RABGEF1: variants seen among roughly 807,000 people sequenced by gnomAD.
The protein encoded by RABGEF1 is RAB guanine nucleotide exchange factor 1, also known as rab5 GDP/GTP exchange factor.
Under a neutral mutation model 57.3 loss-of-function variants are expected in RABGEF1, and 26 were observed. The observed-to-expected ratio is 0.45, with a 90% CI of 0.33 to 0.63. The LOEUF is 0.63. RABGEF1 is among the 20% of genes least tolerant of loss of function. The probability of loss-of-function intolerance (pLI) is 0.02; values close to 1 mark genes in which losing one functional copy is unlikely to be tolerated. For synonymous variants in RABGEF1, 185 were observed against 210.7 expected (o/e 0.88, Z 1.06); for missense variants, 464 against 607.6 (o/e 0.76, Z 2.48).
chr7:66,745,834 CCTATA>C (rs1361592422), intron 1 of RABGEF1, among the ~76,000 whole-genome samples: 2 of 151,318 alleles, frequency 1.3e-5, no homozygotes, highest in African/African-American at 4.9e-5. Flanking sequence ...GTGGCTCATG[CCTATA>C]ATACCAGTGC....
At chr7:66,748,183 TA>T (rs1231005690) in intron 1 of RABGEF1, among the ~76,000 whole-genome samples, 1 of 152,250 alleles carries the variant, frequency 6.6e-6, no homozygotes, top group Non-Finnish European at 1.5e-5. Context: ...TGTGTGTTAG[TA>T]AAACTCCTTA....
At chr7:66,695,773 C>G (rs182239056) in intron 1 of RABGEF1, among the ~76,000 whole-genome samples, 1 of 152,052 alleles carries the variant, frequency 6.6e-6, no homozygotes, top group African/African-American at 2.4e-5. Flanking sequence ...TGAGACCAGC[C>G]TGGGCAACAT....
At chr7:66,693,581 C>G (rs1197861589) in intron 1 of RABGEF1, among the ~76,000 whole-genome samples, 1 of 152,138 alleles carries the variant, frequency 6.6e-6, no homozygotes, top group Non-Finnish European at 1.5e-5. Flanking sequence ...CCACCCTGCC[C>G]TCTCCCATGG....
At chr7:66,707,687 C>G (rs373703029) in intron 1 of RABGEF1, among the ~76,000 whole-genome samples, 1 of 152,128 alleles carries the variant, frequency 6.6e-6, no homozygotes, top group Non-Finnish European at 1.5e-5. Flanking sequence ...GACTCCATCT[C>G]AACAACAACA....
chr7:66,780,290 C>T (rs1200831409), intron 3 of RABGEF1, among the ~76,000 whole-genome samples: 1 of 152,210 alleles, frequency 6.6e-6, no homozygotes, highest in Non-Finnish European at 1.5e-5. Flanking sequence ...TTTAAGCGCA[C>T]AGACCTGGGT....
chr7:66,745,718 G>A (rs1297448507), intron 1 of RABGEF1, among the ~76,000 whole-genome samples: 3 of 150,438 alleles, frequency 2.0e-5, no homozygotes, highest in Middle Eastern at 3.4e-3. Context: ...GCAATGAGCC[G>A]AGATTGTGCC....
At chr7:66,685,314 C>CAG (rs772607012) in intron 1 of RABGEF1, among the ~76,000 whole-genome samples, 11 of 151,968 alleles carry the variant, frequency 7.2e-5, no homozygotes, top group African/African-American at 2.2e-4. Flanking sequence ...CCACCATGCC[C>CAG]AGCTAATTAC....
At position 66,809,215 on chromosome 7, in the gene RABGEF1, T is replaced by C; in HGVS notation, c.1407T>C (p.Ala469=). 1 of 1,613,932 alleles carries C rather than the reference T, an allele frequency of 6.2e-7. No individual in the cohort carries two copies. Among genetic ancestry groups the C allele is most frequent in the Non-Finnish European group, 8.5e-7 (1 of 1,179,886 alleles). ...EIKPPNQPLA[A]IDSENVENDK... is the part of the protein sequence containing the mutation. ...AGCCTCCGAATCAACCGTTAGCAGC[T>C]ATTGACTCTGAAAACGTTGAAAATG... The change falls in exon 9 of 9, where the codon GCT becomes GCC. Residue 469 remains alanine, a synonymous_variant. Coordinates refer to ENST00000284957, the MANE Select transcript of RABGEF1 (RefSeq NM_014504.3).
At chr7:66,747,357 C>G (rs184857286) in intron 1 of RABGEF1, among the ~76,000 whole-genome samples, 76 of 152,258 alleles carry the variant, frequency 5.0e-4, no homozygotes, top group Admixed American at 3.3e-4. Flanking sequence ...AAATTCTCTG[C>G]TGTTTCACCC....
chr7:66,773,007 G>A (rs1222853959), intron 2 of RABGEF1, among the ~76,000 whole-genome samples: 1 of 151,638 alleles, frequency 6.6e-6, no homozygotes, highest in African/African-American at 2.4e-5. Context: ...CTTTGCCAGA[G>A]CATTCTAGAA....
chr7:66,741,798 T>C (rs1444288526), intron 1 of RABGEF1, among the ~76,000 whole-genome samples: 14 of 152,182 alleles, frequency 9.2e-5, no homozygotes, highest in Non-Finnish European at 1.9e-4. Context: ...TCCCAGAGTG[T>C]TGGGATTATA....
chr7:66,675,666 T>C, the RABGEF1 span, among the ~76,000 whole-genome samples: 4 of 152,196 alleles, frequency 2.6e-5, no homozygotes, highest in East Asian at 5.8e-4. Flanking sequence ...TGTGGTCTTA[T>C]GTGTAGAAAA....
At chr7:66,777,931 G>T (rs1808934408) in intron 3 of RABGEF1, among the ~76,000 whole-genome samples, 1 of 152,102 alleles carries the variant, frequency 6.6e-6, no homozygotes, top group Admixed American at 6.5e-5. Flanking sequence ...TAGATTGTTT[G>T]TTCTTTAGTT....
In RABGEF1 at chr7:66,779,298, G is replaced by A. The variant is rs553579684; in HGVS notation, c.346+3905G>A. 4.0e-5 allele frequency among the ~76,000 whole-genome samples: 6 copies of A among 150,676 alleles called. No individual in the cohort carries two copies. In the South Asian group the frequency reaches 1.2e-3, roughly 31 times the overall value. The stretch of plus-strand genomic sequence containing the variant: ...GCAGGTGGATCACCTAAGGTCGGGA[G>A]TTCGAGACCAGACTGGCCAACATGG... On this transcript the variant is annotated intron_variant, in intron 3 of 8. Transcript: ENST00000284957.
chr7:66,737,425 C>T (rs546615042), upstream of RABGEF1, among the ~76,000 whole-genome samples: 170 of 149,852 alleles, frequency 1.1e-3, no homozygotes, highest in African/African-American at 3.7e-3. Context: ...GGCTATCCTA[C>T]GCAATACGAG....
chr7:66,678,563 TCAAAAAAA>T (rs1562681615), upstream of RABGEF1, among the ~76,000 whole-genome samples: 1 of 27,874 alleles, frequency 3.6e-5, no homozygotes. Flanking sequence ...AGAGTCCGTC[TCAAAAAAA>T]AAAAAAAAAA....
chr7:66,752,933 G>A (rs1226680770), intron 1 of RABGEF1, among the ~76,000 whole-genome samples: 2 of 152,220 alleles, frequency 1.3e-5, no homozygotes, highest in African/African-American at 2.4e-5. Flanking sequence ...GTCTTCTGAT[G>A]AATTGTTTGA....
At chr7:66,710,350 G>T (rs1376938181) in intron 1 of RABGEF1, among the ~76,000 whole-genome samples, 1 of 152,182 alleles carries the variant, frequency 6.6e-6, no homozygotes, top group South Asian at 2.1e-4. Context: ...TAGGCATCCA[G>T]ATAATAGTGT....
At position 66,782,700 on chromosome 7, in the gene RABGEF1, C is replaced by T. The variant is rs78055778; in HGVS notation, c.347-975C>T. Among the ~76,000 whole-genome samples, 1,042 of 151,972 alleles carry T rather than the reference C, an allele frequency of 6.9e-3. 14 individuals are homozygous for T. Among genetic ancestry groups the T allele is most frequent in the African/African-American group, 0.024 (992 of 41,478 alleles). ...GACTTGAGTAGCTCAGTAGGAGAAT[C>T]GCTTGAACCTGGGAGGTGGAGGTTG... On this transcript the variant is annotated intron_variant, in intron 3 of 8. Coordinates refer to ENST00000284957, the MANE Select transcript of RABGEF1 (RefSeq NM_014504.3).
Sources: allele counts gnomAD v4.1 joint callset (sites outside exome capture counted in the v4.1 genomes callset), GRCh38; gene constraint gnomAD v4.1.1; transcripts MANE v1.5; gene names NCBI Gene and HGNC (gene_info 2026-07-23, HGNC 2026-07-21).